The following KRT18 variants were observed in gnomAD, a reference collection of about 807,000 sequenced individuals.
The protein encoded by KRT18 is keratin 18.
Under a neutral mutation model 39.9 loss-of-function variants are expected in KRT18, and 8 were observed. The observed-to-expected ratio is 0.20, with a 90% CI of 0.12 to 0.36. The LOEUF is 0.36. Among genes scored for constraint, KRT18 ranks in the 10% least tolerant of loss-of-function variants. The pLI is 1.00. For missense variants in KRT18, 396 were observed against 565.7 expected (o/e 0.70, Z 3.04); for synonymous variants, 194 against 227.8 (o/e 0.85, Z 1.33).
chr12:52,948,941 G>A (rs534114392), upstream of KRT18: 340 of 437,722 alleles, frequency 7.8e-4, no homozygotes, highest in African/African-American at 6.6e-3. Flanking sequence ...TCTGGGGGGT[G>A]AGCGGGGCTT....
chr12:52,952,741 A>G lies in KRT18; in HGVS notation c.1192A>G (p.Ser398Gly), dbSNP rs1942513143. 1 of 1,612,974 alleles carries G rather than the reference A, an allele frequency of 6.2e-7. No individual in the cohort carries two copies. The highest frequency in any genetic ancestry group is 8.5e-7 in the Non-Finnish European group (1 of 1,179,976). Reference protein sequence around the residue: ...EDFNLGDALDSSNSMQTIQKT... With the variant: ...EDFNLGDALDGSNSMQTIQKT... ...TTACAGTCTTGGTGATGCCTTGGAC[A>G]GCAGCAACTCCATGCAAACCATCCA... Residue 398 changes from serine (S) to glycine (G), a missense_variant, in exon 7 of 7, where the codon AGC (serine) becomes GGC (glycine). Physicochemically the swap from Ser to Gly is moderately conservative, Grantham distance 56. Transcript: ENST00000388835.
rs1356710580 is a variant in KRT18 at position 52,949,152 on chromosome 12, C to T, written c.-22C>T. ...GTCGTCCGCAAAGCCTGAGTCCTGT[C>T]CTTTCTCTCTCCCCGGACAGCATGA... On this transcript the variant is annotated 5_prime_UTR_variant, in exon 1 of 7. Coordinates refer to ENST00000388835, the MANE Select transcript of KRT18 (RefSeq NM_000224.3). 1.9e-6 allele frequency: 3 copies of T among 1,609,110 alleles called. No homozygotes were observed. Among genetic ancestry groups the T allele is most frequent in the Admixed American group, 3.3e-5 (2 of 59,994 alleles).
Position 52,949,460 on chromosome 12 carries a change from A to G in KRT18, c.287A>G (p.Asp96Gly), listed in dbSNP as rs951438333. The G allele has an allele frequency of 1.4e-5, 22 of 1,613,258 alleles. No homozygotes were observed. Among genetic ancestry groups the G allele is most frequent in the Non-Finnish European group, 1.8e-5 (21 of 1,180,048 alleles). Residue 96 changes from aspartate to glycine, a missense_variant, in exon 1 of 7, where the codon GAC becomes GGC. Coordinates refer to ENST00000388835, the MANE Select transcript of KRT18 (RefSeq NM_000224.3). Reference protein sequence around the residue: ...SLNDRLASYLDRVRSLETENR... With the variant: ...SLNDRLASYLGRVRSLETENR... Reference sequence around the variant, plus strand: ...AACGACCGCCTGGCCTCTTACCTGGACAGAGTGAGGAGCCTGGAGACCGAG... The same window carrying G: ...AACGACCGCCTGGCCTCTTACCTGGGCAGAGTGAGGAGCCTGGAGACCGAG...
At chr12:52,952,534 A>G (rs1942509696) in intron 6 of KRT18, 188 bp from the exon 7 acceptor site, 2 of 782,702 alleles carry the variant, frequency 2.6e-6, no homozygotes, top group African/African-American at 3.5e-5. Flanking sequence ...AAAGCAAACT[A>G]AGTATTGTCC....
chr12:52,952,395 C>T (rs1212946179), intron 6 of KRT18, 53 bp downstream of exon 6: 1 of 1,285,658 alleles, frequency 7.8e-7, no homozygotes, highest in South Asian at 1.3e-5. Context: ...TCACTTCTCC[C>T]CAAAGTCTGA....
At chr12:52,951,275 G>A (rs1439263305) in intron 3 of KRT18, among the ~76,000 whole-genome samples, 1 of 152,178 alleles carries the variant, frequency 6.6e-6, no homozygotes, top group Non-Finnish European at 1.5e-5. Context: ...ACAGGGTGAA[G>A]TTACAGAGAA....
Position 52,950,392 on chromosome 12 carries a change from C to A in KRT18, c.482C>A (p.Ala161Asp). The part of the protein sequence containing the change: ...VLQIDNARLA[A>D]DDFRVKYETE... ...CAGATTGACAATGCCCGTCTTGCTG[C>A]TGATGACTTTAGAGTCAAGTAAGTT... The change falls in exon 2 of 7, where the codon GCT (alanine) becomes GAT (aspartate). Residue 161 changes from alanine (A) to aspartate (D), a missense_variant. Ala to Asp is a moderately radical substitution (Grantham distance 126). Coordinates refer to ENST00000388835, the MANE Select transcript of KRT18 (RefSeq NM_000224.3). 1 of 1,612,526 alleles carries A rather than the reference C, an allele frequency of 6.2e-7. No homozygotes were observed.
At chr12:52,951,218 A>G (rs1942481993) in intron 3 of KRT18, among the ~76,000 whole-genome samples, 1 of 152,176 alleles carries the variant, frequency 6.6e-6, no homozygotes, top group South Asian at 2.1e-4. Context: ...CGCTTCCTAA[A>G]AGATGGTAGA....
chr12:52,952,830 T>C lies in KRT18; in HGVS notation c.1281T>C (p.Val427=). The change falls in exon 7 of 7, where the codon GTT becomes GTC. Residue 427 remains valine, a synonymous_variant. Transcript: ENST00000388835. ...KVVSETNDTK[V]LRH ...TGTCTGAGACCAATGACACCAAAGTTCTGAGGCATTAAGCCAGCAGAAGCA... is the reference window on the plus strand; with the variant it reads ...TGTCTGAGACCAATGACACCAAAGTCCTGAGGCATTAAGCCAGCAGAAGCA... The C allele has an allele frequency of 6.2e-7, 1 of 1,609,302 alleles. No individual in the cohort carries two copies. The highest frequency in any genetic ancestry group is 8.5e-7 in the Non-Finnish European group (1 of 1,179,836).
In KRT18 at chr12:52,952,835, G is replaced by A. The variant is rs1942515438; in HGVS notation, c.1286G>A (p.Arg429Lys). 1.2e-6 allele frequency: 2 copies of A among 1,608,572 alleles called. No individual in the cohort carries two copies. Among genetic ancestry groups the A allele is most frequent in the Non-Finnish European group, 1.7e-6 (2 of 1,179,840 alleles). ...VSETNDTKVL[R>K]H ...GAGACCAATGACACCAAAGTTCTGA[G>A]GCATTAAGCCAGCAGAAGCAGGGTA... Residue 429 changes from arginine (R) to lysine (K), a missense_variant, in exon 7 of 7, where the codon AGG (arginine) becomes AAG (lysine). Transcript: ENST00000388835.
intron 1 of KRT18, chr12:52,949,791 G>T: frequency 1.4e-6 from 1 of 712,184 alleles, no homozygotes; most frequent in South Asian, 1.5e-5. Context: ...TTTCCCAGGA[G>T]AGAGGGGGAA....
In KRT18 at chr12:52,949,212, C is replaced by T. The variant is rs761560727; in HGVS notation, c.39C>T (p.Tyr13=). The T allele has an allele frequency of 2.7e-5, 44 of 1,611,662 alleles. No homozygotes were observed. Among genetic ancestry groups the T allele is most frequent in the Non-Finnish European group, 3.3e-5 (39 of 1,179,902 alleles). Residue 13 remains tyrosine, a synonymous_variant, in exon 1 of 7, where the codon TAC becomes TAT. Coordinates refer to ENST00000388835, the MANE Select transcript of KRT18 (RefSeq NM_000224.3). ...CTCGCTCCACCTTCTCCACCAACTA[C>T]CGGTCCCTGGGCTCTGTCCAGGCGC... ...FTTRSTFSTN[Y]RSLGSVQAPS... is the part of the protein sequence containing the mutation.
Position 52,952,145 on chromosome 12 carries a change from G to A in KRT18, c.975G>A (p.Arg325=). 1.3e-6 allele frequency: 2 copies of A among 1,567,242 alleles called. No individual in the cohort carries two copies. Among genetic ancestry groups the A allele is most frequent in the Non-Finnish European group, 1.7e-6 (2 of 1,155,668 alleles). Reference sequence around the variant, plus strand: ...AGGCCAGCTTGGAGAACAGCCTGAGGGAGGTGGAGGCCCGCTACGCCCTAC... The same window carrying A: ...AGGCCAGCTTGGAGAACAGCCTGAGAGAGGTGGAGGCCCGCTACGCCCTAC... ...NLKASLENSL[R]EVEARYALQM... Residue 325 remains arginine, a synonymous_variant, in exon 6 of 7, where the codon AGG becomes AGA. Transcript: ENST00000388835.
chr12:52,951,952 C>A, intron 5 of KRT18, 96 bp downstream of exon 5: 1 of 1,487,536 alleles, frequency 6.7e-7, no homozygotes, highest in Non-Finnish European at 9.3e-7. Context: ...ATCATGAGTT[C>A]CTTTAGCTCA....
chr12:52,948,876 C>A (rs1410808153), upstream of KRT18: 7 of 424,860 alleles, frequency 1.6e-5, no homozygotes, highest in East Asian at 2.5e-4. Context: ...TGAAAGCAGC[C>A]TCGAGGGCCA....
intron 6 of KRT18, 100 bp from the exon 7 acceptor site, chr12:52,952,622 A>G: frequency 3.1e-6 from 4 of 1,277,532 alleles, no homozygotes; most frequent in Middle Eastern, 2.6e-4. Flanking sequence ...GGTGATTTGG[A>G]GATAAAGGTA....
intron 1 of KRT18, chr12:52,949,892 C>A: frequency 1.5e-6 from 1 of 677,330 alleles, no homozygotes; most frequent in Non-Finnish European, 2.7e-6. Context: ...CTGGCTCTGG[C>A]GGAATGGGGA....
intron 3 of KRT18, among the ~76,000 whole-genome samples, 171 bp from the exon 4 acceptor site, chr12:52,951,310 C>G (rs553510456): frequency 6.6e-6 from 1 of 152,136 alleles, no homozygotes; most frequent in African/African-American, 2.4e-5. Context: ...GGTGGCATTT[C>G]TACCCACTGG....
At position 52,951,875 on chromosome 12, in the gene KRT18, C is replaced by T; in HGVS notation, c.948+19C>T. 1.2e-6 allele frequency: 2 copies of T among 1,604,084 alleles called. No homozygotes were observed. Among genetic ancestry groups the T allele is most frequent in the East Asian group, 2.2e-5 (1 of 44,872 alleles). ...AAATCTGGTGAGTGCCTTCACATCACCTGCCCAGCTCCTCCTTCACTTGGC... is the reference window on the plus strand; with the variant it reads ...AAATCTGGTGAGTGCCTTCACATCATCTGCCCAGCTCCTCCTTCACTTGGC... On this transcript the variant is annotated intron_variant, in intron 5 of 6. Transcript: ENST00000388835.
Sources: gnomAD v4.1 joint callset for allele counts (sites outside exome capture counted in the v4.1 genomes callset) on GRCh38, gnomAD v4.1.1 for gene constraint, MANE v1.5 for transcripts, NCBI Gene and HGNC (gene_info 2026-07-23, HGNC 2026-07-21) for gene names.